Variants in FAM78A observed in about 807,000 individuals in gnomAD.
FAM78A encodes the protein protein FAM78A.
A neutral mutation model predicts 22.6 loss-of-function variants in FAM78A; 12 were observed. The observed-to-expected ratio is 0.53, with a 90% CI of 0.34 to 0.86. The LOEUF is 0.86. Among genes scored for constraint, FAM78A ranks in the 40% least tolerant of loss-of-function variants. The pLI, the probability that FAM78A is intolerant of heterozygous loss-of-function variation, is 0.02. For synonymous variants in FAM78A, 151 were observed against 155.8 expected (o/e 0.97, Z 0.23); for missense variants, 322 against 396.1 (o/e 0.81, Z 1.59).
chr9:131,274,323 T>C lies in FAM78A; in HGVS notation c.323+1534A>G, dbSNP rs1835455450. Among the ~76,000 whole-genome samples the C allele has an allele frequency of 6.6e-6, 1 of 152,132 alleles. No individual in the cohort carries two copies. The highest frequency in any genetic ancestry group is 2.4e-5 in the African/African-American group (1 of 41,378). ...TTAGCCCAAAACCCCGAGGAAAACT[T>C]TTGTTTCTACAACTGTCCCGATGCC... On this transcript the variant is annotated intron_variant, in intron 1 of 1. Transcript: ENST00000372271. This position sits in a 1 kb window ranked among gnomAD's most constrained non-coding sequence, Gnocchi z 4.2.
In FAM78A at chr9:131,270,226, G is replaced by A. The variant is rs775297386; in HGVS notation, c.323+5631C>T. The A allele has an allele frequency of 2.2e-5, 16 of 714,018 alleles. No homozygotes were observed. The African/African-American group carries it at 2.3e-4, about 10-fold the overall frequency. 44.2% of individuals were successfully genotyped at this position (714,018 alleles called of 1,614,324 possible). The stretch of plus-strand genomic sequence containing the variant: ...CATCTCAAAAACAAGTACAACCACC[G>A]AGCTGAAGGGCTTGCACATGTGGAC... On this transcript the variant is annotated intron_variant, in intron 1 of 1. Transcript: ENST00000372271.
Position 131,275,427 on chromosome 9 carries a change from T to C in FAM78A, c.323+430A>G. Reference sequence around the variant, plus strand: ...AGCCCTGAACACACCGGTCTGGGAGTTGCAGAGTGCCTGAATGTCTGCCAT... The same window carrying C: ...AGCCCTGAACACACCGGTCTGGGAGCTGCAGAGTGCCTGAATGTCTGCCAT... On this transcript the variant is annotated intron_variant, in intron 1 of 1. Coordinates refer to ENST00000372271, the MANE Select transcript of FAM78A (RefSeq NM_033387.4). The surrounding 1 kb of genome is among the most constrained non-coding windows in gnomAD (Gnocchi z 4.6). Among the ~76,000 whole-genome samples, 1 of 151,972 alleles carries C rather than the reference T, an allele frequency of 6.6e-6. No homozygotes were observed. Among genetic ancestry groups the C allele is most frequent in the Non-Finnish European group, 1.5e-5 (1 of 67,986 alleles).
In FAM78A at chr9:131,275,239, C is replaced by T. The variant is rs968162283; in HGVS notation, c.323+618G>A. ...GGACACTGGACTTGTCTGCATAAAG[C>T]GGTCTTCTGCCTTGGAGACAGAAAG... is the stretch of plus-strand genomic sequence containing the variant. On this transcript the variant is annotated intron_variant, in intron 1 of 1. Transcript: ENST00000372271. The surrounding 1 kb of genome is among the most constrained non-coding windows in gnomAD (Gnocchi z 4.6). 5.9e-5 allele frequency among the ~76,000 whole-genome samples: 9 copies of T among 152,208 alleles called. No homozygotes were observed. In the East Asian group the frequency reaches 1.3e-3, roughly 23 times the overall value.
In FAM78A at chr9:131,272,926, CTG is replaced by C. The variant is rs1184047389; in HGVS notation, c.323+2929_323+2930del. Among the ~76,000 whole-genome samples, 1 of 152,032 alleles carries C rather than the reference CTG, an allele frequency of 6.6e-6. No individual in the cohort carries two copies. Among genetic ancestry groups the C allele is most frequent in the Non-Finnish European group, 1.5e-5 (1 of 68,000 alleles). ...CAGCCTGGGCGACAAGAATAAGACT[CTG>C]TCTCAAAAATAAATAAATAAAAATA... On this transcript the variant is annotated intron_variant, in intron 1 of 1. Coordinates refer to ENST00000372271, the MANE Select transcript of FAM78A (RefSeq NM_033387.4). The surrounding 1 kb of genome is among the most constrained non-coding windows in gnomAD (Gnocchi z 4.1).
intron 1 of FAM78A, chr9:131,262,704 T>G (rs1293532638): frequency 1.3e-5 from 2 of 152,140 alleles, no homozygotes; most frequent in African/African-American, 4.8e-5. Flanking sequence ...GGAATGTTCT[T>G]CAGCCTTAAG....
chr9:131,264,296 C>T, intron 1 of FAM78A: 1 of 407,618 alleles, frequency 2.5e-6, no homozygotes. Context: ...ACTCCCAGGC[C>T]CTGGCTCAGG....
chr9:131,267,928 T>G (rs1228662192), intron 1 of FAM78A, among the ~76,000 whole-genome samples: 1 of 152,032 alleles, frequency 6.6e-6, no homozygotes, highest in Non-Finnish European at 1.5e-5. Flanking sequence ...GGCAGGCACC[T>G]GTAGTCCCAG....
At chr9:131,264,726 C>CTT (rs57794278) in intron 1 of FAM78A, 611 of 560,438 alleles carry the variant, frequency 1.1e-3, no homozygotes, top group Admixed American at 1.7e-3. Context: ...CTTTTCTGAC[C>CTT]TTTTTTTTTT....
intron 1 of FAM78A, among the ~76,000 whole-genome samples, chr9:131,266,944 G>A (rs1241891311): frequency 6.6e-6 from 1 of 152,244 alleles, no homozygotes; most frequent in Non-Finnish European, 1.5e-5. Flanking sequence ...TGCTTATCCT[G>A]CAGGGCTGCA....
chr9:131,268,456 GA>G (rs1269097271), intron 1 of FAM78A, among the ~76,000 whole-genome samples: 1 of 152,110 alleles, frequency 6.6e-6, no homozygotes, highest in African/African-American at 2.4e-5. Flanking sequence ...TGCCCACGGG[GA>G]TTCCCCCACC....
upstream of FAM78A, among the ~76,000 whole-genome samples, chr9:131,276,918 C>A (rs1342101227): frequency 6.7e-6 from 1 of 149,192 alleles, no homozygotes; most frequent in Non-Finnish European, 1.5e-5. The surrounding 1 kb of genome is among the most constrained non-coding windows in gnomAD (Gnocchi z 4.3). Context: ...GCCGCCGCCG[C>A]CTGCTTCGCC....
rs1211875798 is a variant in FAM78A at position 131,270,032 on chromosome 9, TAAAA to T, written c.323+5821_323+5824del. On this transcript the variant is annotated intron_variant, in intron 1 of 1. Coordinates refer to ENST00000372271, the MANE Select transcript of FAM78A (RefSeq NM_033387.4). ...CAGCATGGTGAAACCCCATCCCTACTAAAATAAAAAAAAAAAAAAAAAAAAAAGC... is the reference window on the plus strand; with the variant it reads ...CAGCATGGTGAAACCCCATCCCTACTTAAAAAAAAAAAAAAAAAAAAAAGC... Among the ~76,000 whole-genome samples, 101 of 34,100 alleles carry T rather than the reference TAAAA, an allele frequency of 3.0e-3. 2 individuals are homozygous for T. Among genetic ancestry groups the T allele is most frequent in the African/African-American group, 7.6e-3 (82 of 10,724 alleles). 22.4% of individuals were successfully genotyped at this position (34,100 alleles called of 152,430 possible).
chr9:131,270,647 G>A, intron 1 of FAM78A: 2 of 632,306 alleles, frequency 3.2e-6, no homozygotes, highest in South Asian at 3.2e-5. Flanking sequence ...CCAGGGCCCA[G>A]CAGATGGGGG....
At chr9:131,268,024 C>T (rs939935890) in intron 1 of FAM78A, among the ~76,000 whole-genome samples, 58 of 144,062 alleles carry the variant, frequency 4.0e-4, no homozygotes, top group Non-Finnish European at 7.5e-4. Context: ...TGCACTCCAG[C>T]CTGGGCGACA....
At position 131,275,815 on chromosome 9, in the gene FAM78A, C is replaced by A; in HGVS notation, c.323+42G>T. On this transcript the variant is annotated intron_variant, in intron 1 of 1. Coordinates refer to ENST00000372271, the MANE Select transcript of FAM78A (RefSeq NM_033387.4). The surrounding 1 kb of genome is among the most constrained non-coding windows in gnomAD (Gnocchi z 4.6). ...CCCCCACCAGGCCTCCAAGCTCGGC[C>A]ATCCCTAGCAGTTCCCAGAGCTGGC... 6.5e-7 allele frequency: 1 copy of A among 1,528,916 alleles called. No homozygotes were observed. The highest frequency in any genetic ancestry group is 8.8e-7 in the Non-Finnish European group (1 of 1,137,608). The allele number at this position is 1,528,916 out of a possible 1,614,324, so 94.7% of individuals were successfully genotyped here. A position where few individuals can be genotyped will look rare whatever the true frequency, so the allele number is the denominator to read the frequency against.
At chr9:131,268,399 G>A (rs1211150254) in intron 1 of FAM78A, among the ~76,000 whole-genome samples, 7 of 151,114 alleles carry the variant, frequency 4.6e-5, no homozygotes, top group Non-Finnish European at 8.8e-5. Flanking sequence ...CCCAGTACCT[G>A]CTCACCAGCT....
chr9:131,278,134 C>G (rs564038539), upstream of FAM78A, among the ~76,000 whole-genome samples: 1 of 151,726 alleles, frequency 6.6e-6, no homozygotes, highest in South Asian at 2.1e-4. Flanking sequence ...CCGCCCTCCC[C>G]CTGGTAATCC....
chr9:131,272,380 C>T lies in FAM78A; in HGVS notation c.323+3477G>A, dbSNP rs1321530733. Among the ~76,000 whole-genome samples the T allele has an allele frequency of 6.6e-6, 1 of 152,250 alleles. No individual in the cohort carries two copies. The highest frequency in any genetic ancestry group is 1.5e-5 in the Non-Finnish European group (1 of 68,044). On this transcript the variant is annotated intron_variant, in intron 1 of 1. Transcript: ENST00000372271. This position sits in a 1 kb window ranked among gnomAD's most constrained non-coding sequence, Gnocchi z 4.1. ...TCCCTGGGGACATTATTGACTGTCA[C>T]AGCTTGCGGGGATGTGCTCCTGGCA...
chr9:131,276,154 C>A lies in FAM78A; in HGVS notation c.26G>T (p.Trp9Leu), dbSNP rs771339476. The A allele has an allele frequency of 3.7e-5, 60 of 1,612,418 alleles. No individual in the cohort carries two copies. Among genetic ancestry groups the A allele is most frequent in the Middle Eastern group, 1.6e-4 (1 of 6,082 alleles). Residue 9 changes from tryptophan (W) to leucine (L), a missense_variant, in exon 1 of 2, where the codon TGG becomes TTG. By Grantham distance (61) the Trp-to-Leu change is moderately conservative (BLOSUM62 -2). Transcript: ENST00000372271. The surrounding 1 kb of genome is among the most constrained non-coding windows in gnomAD (Gnocchi z 4.3). ...GAGCGCTCTGATCTCCAGGGAAGGC[C>A]AGCAGTCACAGAAAAAACCAGGCAT... MPGFFCDC[W>L]PSLEIRALLY...
Sources: gnomAD v4.1 joint callset for allele counts (sites outside exome capture counted in the v4.1 genomes callset) on GRCh38, gnomAD v4.1.1 for gene constraint, Gnocchi (gnomAD v3.1) non-coding constraint, MANE v1.5 for transcripts, NCBI Gene and HGNC (gene_info 2026-07-23, HGNC 2026-07-21) for gene names.